CSMD3: variants seen among roughly 807,000 people sequenced by gnomAD.
The protein encoded by CSMD3 is CUB and sushi domain-containing protein 3.
A neutral mutation model predicts 435.2 loss-of-function variants in CSMD3; 177 were observed. That is an observed-to-expected ratio of 0.41 (90% CI 0.36 to 0.46). CSMD3 has a LOEUF of 0.46. CSMD3 is among the 20% of genes least tolerant of loss of function. The probability of loss-of-function intolerance (pLI) is 0.34; values close to 1 mark genes in which losing one functional copy is unlikely to be tolerated. For synonymous variants in CSMD3, 1,656 were observed against 1,520.5 expected (o/e 1.09, Z -2.07); for missense variants, 4,265 against 4,504.6 (o/e 0.95, Z 1.52).
At chr8:112,981,957 C>T (rs531991239) in intron 6 of CSMD3, among the ~76,000 whole-genome samples, 34 of 151,846 alleles carry the variant, frequency 2.2e-4, no homozygotes, top group African/African-American at 8.2e-4. Context: ...AATGGATAGA[C>T]ATCTCATTTC....
At chr8:113,210,003 GGT>G (rs3048831) in intron 3 of CSMD3, among the ~76,000 whole-genome samples, 30,797 of 138,734 alleles carry the variant, frequency 0.22, 3,582 homozygotes, top group East Asian at 0.54. Context: ...TCTCCTAAAA[GGT>G]GTGTGTGTGT....
At chr8:112,869,651 G>A (rs910537701) in intron 10 of CSMD3, among the ~76,000 whole-genome samples, 2 of 152,170 alleles carry the variant, frequency 1.3e-5, no homozygotes, top group Non-Finnish European at 2.9e-5. Flanking sequence ...ATCAATGATA[G>A]ACTGGATAAA....
At chr8:113,222,182 A>T (rs1489043047) in intron 3 of CSMD3, among the ~76,000 whole-genome samples, 1 of 151,270 alleles carries the variant, frequency 6.6e-6, no homozygotes, top group Non-Finnish European at 1.5e-5. Flanking sequence ...AATTCTAAAA[A>T]TTCTTATTTT....
At chr8:112,240,944 T>C (rs999156822) in intron 66 of CSMD3, among the ~76,000 whole-genome samples, 4 of 152,092 alleles carry the variant, frequency 2.6e-5, no homozygotes, top group East Asian at 1.9e-4. Context: ...TCCTCCATGA[T>C]AGTGAGGCTT....
intron 4 of CSMD3, among the ~76,000 whole-genome samples, chr8:113,116,661 GA>G (rs1443126983): frequency 2.6e-5 from 4 of 152,104 alleles, no homozygotes; most frequent in Non-Finnish European, 4.4e-5. Context: ...AAAAACTGTA[GA>G]AAAGTTTGGA....
At chr8:112,883,813 A>G (rs1411319212) in intron 10 of CSMD3, among the ~76,000 whole-genome samples, 1 of 151,820 alleles carries the variant, frequency 6.6e-6, no homozygotes, top group Non-Finnish European at 1.5e-5. Context: ...AGTCTCCTTC[A>G]ATGCAAATTA....
chr8:112,645,941 C>T (rs1468869879), intron 19 of CSMD3, among the ~76,000 whole-genome samples: 1 of 152,094 alleles, frequency 6.6e-6, no homozygotes, highest in Non-Finnish European at 1.5e-5. Flanking sequence ...CATTTTTATT[C>T]TAGTGTGAGC....
chr8:112,347,093 T>C (rs569659881), intron 40 of CSMD3, among the ~76,000 whole-genome samples: 107 of 152,202 alleles, frequency 7.0e-4, no homozygotes, highest in Non-Finnish European at 1.2e-3. Context: ...TAAAAATAAG[T>C]AAAAAGATGC....
At chr8:113,091,277 G>C (rs530594119) in intron 5 of CSMD3, among the ~76,000 whole-genome samples, 1 of 152,184 alleles carries the variant, frequency 6.6e-6, no homozygotes, top group Admixed American at 6.5e-5. Flanking sequence ...GGTAAGACTG[G>C]TCTGATAGAA....
At chr8:112,293,376 T>A (rs1384976908) in intron 54 of CSMD3, among the ~76,000 whole-genome samples, 2 of 152,108 alleles carry the variant, frequency 1.3e-5, no homozygotes, top group African/African-American at 4.8e-5. Context: ...TAAAGGCAGT[T>A]TTTTGCATTT....
chr8:112,732,956 C>G (rs147733548), intron 13 of CSMD3, among the ~76,000 whole-genome samples: 1 of 152,004 alleles, frequency 6.6e-6, no homozygotes, highest in Non-Finnish European at 1.5e-5. Flanking sequence ...AAAGTAAACA[C>G]AATTTATTTC....
intron 16 of CSMD3, among the ~76,000 whole-genome samples, chr8:112,673,998 A>G (rs994621725): frequency 7.9e-5 from 12 of 152,144 alleles, no homozygotes; most frequent in Middle Eastern, 3.4e-3. Context: ...TCTCTCCTCA[A>G]AGAGCATGTT....
At chr8:113,295,820 T>A (rs2093716613) in intron 2 of CSMD3, among the ~76,000 whole-genome samples, 1 of 152,158 alleles carries the variant, frequency 6.6e-6, no homozygotes, top group African/African-American at 2.4e-5. Flanking sequence ...GGATTATAAA[T>A]CATGCTGCTA....
intron 1 of CSMD3, among the ~76,000 whole-genome samples, chr8:113,402,345 A>T (rs770529975): frequency 6.6e-6 from 1 of 151,382 alleles, no homozygotes; most frequent in African/African-American, 2.4e-5. Context: ...TTCTGAAGCA[A>T]CCTGAATCTC....
intron 3 of CSMD3, among the ~76,000 whole-genome samples, chr8:113,276,117 A>G (rs981119927): frequency 1.3e-5 from 2 of 152,114 alleles, no homozygotes; most frequent in African/African-American, 4.8e-5. Context: ...ATCATGTTAC[A>G]TAGACTTAAG....
rs575514154 is a variant in CSMD3, at chr8:113,031,856, C to G, written c.918-12677G>C. Among the ~76,000 whole-genome samples, 8 of 151,556 alleles carry G rather than the reference C, an allele frequency of 5.3e-5. No individual in the cohort carries two copies. The East Asian group carries it at 1.6e-3, about 29-fold the overall frequency. ...AATATCCACATGTTGAAAGAGGGACCTGGTGGAAGTGATTGGATTATGGGG... is the reference window on the plus strand; with the variant it reads ...AATATCCACATGTTGAAAGAGGGACGTGGTGGAAGTGATTGGATTATGGGG... On this transcript the variant is annotated intron_variant, in intron 5 of 70. Transcript: ENST00000297405.
chr8:112,977,319 A>G (rs932782522), intron 6 of CSMD3, among the ~76,000 whole-genome samples: 3 of 152,144 alleles, frequency 2.0e-5, no homozygotes, highest in East Asian at 1.9e-4. Flanking sequence ...CCTGAGTGGT[A>G]TATGTTTTTA....
At chr8:113,074,254 C>G (rs551201644) in intron 5 of CSMD3, among the ~76,000 whole-genome samples, 6 of 151,864 alleles carry the variant, frequency 4.0e-5, no homozygotes, top group Admixed American at 3.3e-4. Context: ...AAACTTCATT[C>G]TCACTGTTTC....
chr8:113,300,162 C>CAAAAAAAAAAAAA (rs34291122), intron 2 of CSMD3, among the ~76,000 whole-genome samples: 1 of 116,568 alleles, frequency 8.6e-6, no homozygotes, highest in Non-Finnish European at 1.7e-5. Flanking sequence ...TCAAAAAAGT[C>CAAAAAAAAAAAAA]AAAAAAAAAA....
Sources: gnomAD v4.1 joint callset for allele counts (sites outside exome capture counted in the v4.1 genomes callset) on GRCh38, gnomAD v4.1.1 for gene constraint, MANE v1.5 for transcripts, NCBI Gene and HGNC (gene_info 2026-07-23, HGNC 2026-07-21) for gene names.